The following FRMPD4 variants were observed in gnomAD, a reference collection of about 807,000 sequenced individuals.
FRMPD4 encodes FERM and PDZ domain containing 4.
FRMPD4 carries 22 observed loss-of-function variants against 94.1 expected under a neutral mutation model. That is an observed-to-expected ratio of 0.23 (90% CI 0.17 to 0.33). FRMPD4 has a LOEUF of 0.33. Among genes scored for constraint, FRMPD4 ranks in the 10% least tolerant of loss-of-function variants. The pLI is 1.00. For synonymous variants in FRMPD4, 631 were observed against 548.6 expected, an observed-to-expected ratio of 1.15 and a Z score of -2.10; for missense variants, 1,111 against 1,339.9, an observed-to-expected ratio of 0.83 and a Z score of 2.67.
chrX:12,372,248 C>T (rs978148952), intron 1 of FRMPD4, among the ~76,000 whole-genome samples: 44 of 112,831 alleles, frequency 3.9e-4, no homozygotes, highest in African/African-American at 1.4e-3. Flanking sequence ...GTTTGACATT[C>T]GCTAACTTTC....
At chrX:11,870,656 G>A (rs766791832) in intron 2 of FRMPD4, among the ~76,000 whole-genome samples, 15 of 111,461 alleles carry the variant, frequency 1.3e-4, no homozygotes, top group Non-Finnish European at 2.8e-4. Context: ...GTCTCCGTTG[G>A]GATATAGAAT....
At chrX:12,282,423 T>C (rs1241144709) in intron 1 of FRMPD4, among the ~76,000 whole-genome samples, 1 of 112,653 alleles carries the variant, frequency 8.9e-6, no homozygotes, top group Non-Finnish European at 1.9e-5. Flanking sequence ...AATAAGTTTC[T>C]CATCTTTATA....
At chrX:12,255,034 T>C (rs192842164) in intron 1 of FRMPD4, among the ~76,000 whole-genome samples, 37 of 111,639 alleles carry the variant, frequency 3.3e-4, no homozygotes, top group African/African-American at 1.1e-3. Flanking sequence ...TCCAGAACTT[T>C]CAGAGGCAGT....
At position 12,460,232 on chromosome X, in the gene FRMPD4, G is replaced by T. The variant is rs760199696; in HGVS notation, c.42-38448G>T. On this transcript the variant is annotated intron_variant, in intron 1 of 16. Coordinates refer to ENST00000675598, the MANE Select transcript of FRMPD4 (RefSeq NM_001368397.1). ...GCTTGCCTTTTGTTTTCTTAAATGT[G>T]TCTTCCGAAAACCAAAAGCTTCTAA... Among the ~76,000 whole-genome samples, 5 of 111,424 alleles carry T rather than the reference G, an allele frequency of 4.5e-5. No individual in the cohort carries two copies. In the South Asian group the frequency reaches 1.5e-3, roughly 33 times the overall value.
intron 1 of FRMPD4, among the ~76,000 whole-genome samples, chrX:12,239,111 A>G (rs1304095848): frequency 1.8e-5 from 2 of 112,375 alleles, no homozygotes; most frequent in Admixed American, 9.4e-5. Context: ...ATGAAATTGT[A>G]CCTTCTTTCT....
chrX:12,682,121 G>A (rs1244925495), intron 5 of FRMPD4, among the ~76,000 whole-genome samples: 4 of 112,388 alleles, frequency 3.6e-5, no homozygotes, highest in Non-Finnish European at 7.5e-5. Flanking sequence ...CCATGTTGTA[G>A]CATGTGTCAG....
chrX:12,661,899 C>T (rs1191362983), intron 4 of FRMPD4, among the ~76,000 whole-genome samples: 1 of 112,224 alleles, frequency 8.9e-6, no homozygotes, highest in Non-Finnish European at 1.9e-5. Context: ...ACACTTCTTC[C>T]TTCATCTTTG....
At chrX:12,406,094 C>T (rs5979616) in intron 1 of FRMPD4, among the ~76,000 whole-genome samples, 2,830 of 110,904 alleles carry the variant, frequency 0.026, 89 homozygotes, top group African/African-American at 0.087. Flanking sequence ...TTAGCTGTCA[C>T]AACTTAGGCA....
intron 3 of FRMPD4, among the ~76,000 whole-genome samples, chrX:12,611,673 A>AT (rs1048237808): frequency 1.9e-4 from 21 of 112,483 alleles, no homozygotes; most frequent in East Asian, 2.8e-4. Flanking sequence ...ATTTGGTTTC[A>AT]TTTTTCGTTT....
Position 12,498,700 on chromosome X carries a change from G to A in FRMPD4, c.62G>A (p.Gly21Asp), listed in dbSNP as rs1483474215. 1 of 1,193,380 alleles carries A rather than the reference G, an allele frequency of 8.4e-7. No individual in the cohort carries two copies. Among genetic ancestry groups the A allele is most frequent in the Non-Finnish European group, 1.1e-6 (1 of 881,076 alleles). ...KLSSHRTKSSGWPPPSGTWGL... is the reference protein window; with the variant it reads ...KLSSHRTKSSDWPPPSGTWGL... ...TCCAGCCACAGGACGAAGTCTTCAG[G>A]CTGGCCGCCTCCCTCGGGAACCTGG... The change falls in exon 2 of 17, where the codon GGC becomes GAC. Residue 21 changes from glycine to aspartate, a missense_variant. By Grantham distance (94) the Gly-to-Asp change is moderately conservative. Around this residue, in one of 8 missense-constraint regions of FRMPD4, gnomAD observed 140 missense variants for 165.9 expected, o/e 0.84. Transcript: ENST00000675598.
chrX:11,862,960 GTTTTTTTTT>G (rs772255596), intron 1 of FRMPD4, among the ~76,000 whole-genome samples: 3,018 of 47,671 alleles, frequency 0.063, 97 homozygotes, highest in Middle Eastern at 0.21. Context: ...AGGGAACTTG[GTTTTTTTTT>G]TTTTTTTTTT....
intron 3 of FRMPD4, among the ~76,000 whole-genome samples, chrX:11,879,944 C>T (rs1050727183): frequency 8.9e-6 from 1 of 112,569 alleles, no homozygotes; most frequent in African/African-American, 3.2e-5. Context: ...GGTCTCCATG[C>T]TCCTCCATCT....
chrX:12,334,400 A>G (rs1399785529), intron 1 of FRMPD4, among the ~76,000 whole-genome samples: 4 of 111,279 alleles, frequency 3.6e-5, no homozygotes, highest in African/African-American at 9.8e-5. Context: ...ACCTGCCTCA[A>G]TGGTGGTGCA....
intron 3 of FRMPD4, among the ~76,000 whole-genome samples, chrX:12,080,715 T>C (rs1205475496): frequency 8.9e-6 from 1 of 112,286 alleles, no homozygotes; most frequent in Non-Finnish European, 1.9e-5. Flanking sequence ...ATGTATTATG[T>C]GATTATCTGG....
intron 5 of FRMPD4, among the ~76,000 whole-genome samples, chrX:12,680,216 G>A (rs889571450): frequency 2.1e-4 from 24 of 111,854 alleles, no homozygotes; most frequent in Non-Finnish European, 1.3e-4. Flanking sequence ...AATGTACAGG[G>A]GTTGATTAGG....
At chrX:12,406,558 G>A (rs972741035) in intron 1 of FRMPD4, among the ~76,000 whole-genome samples, 1 of 111,898 alleles carries the variant, frequency 8.9e-6, no homozygotes, top group African/African-American at 3.2e-5. Flanking sequence ...ATTTGCCTTC[G>A]GGGAAGATAT....
intron 1 of FRMPD4, among the ~76,000 whole-genome samples, chrX:12,151,946 A>G (rs1413946659): frequency 1.8e-5 from 2 of 111,892 alleles, no homozygotes; most frequent in Non-Finnish European, 3.8e-5. Context: ...AAACCCATAA[A>G]AGACAGGAGG....
chrX:12,278,729 C>G (rs1436406660), intron 1 of FRMPD4, among the ~76,000 whole-genome samples: 2 of 111,141 alleles, frequency 1.8e-5, no homozygotes, highest in Non-Finnish European at 3.8e-5. Flanking sequence ...TCCCACAGGG[C>G]TGGCCGGAAG....
chrX:12,069,114 A>C (rs1020009810), intron 3 of FRMPD4, among the ~76,000 whole-genome samples: 5 of 111,906 alleles, frequency 4.5e-5, no homozygotes, highest in African/African-American at 1.6e-4. Context: ...AACTGGAAGA[A>C]AATGAGGTAC....
Sources: gnomAD v4.1 joint callset for allele counts (sites outside exome capture counted in the v4.1 genomes callset) on GRCh38, gnomAD v4.1.1 for gene constraint, gnomAD v4.1.1 regional missense constraint, MANE v1.5 for transcripts, NCBI Gene and HGNC (gene_info 2026-07-23, HGNC 2026-07-21) for gene names.